CCR6: variants seen among roughly 807,000 people sequenced by gnomAD.
CCR6 encodes the protein C-C motif chemokine receptor 6, also known as C-C chemokine receptor type 6.
A neutral mutation model predicts 3.0 loss-of-function variants in CCR6; 2 were observed. That is an observed-to-expected ratio of 0.66 (90% CI 0.27 to 2.07). CCR6 has a LOEUF of 2.07. Among genes scored for constraint, CCR6 ranks in the 30% most tolerant of loss-of-function variants. CCR6 has a pLI of 0.14. For missense variants in CCR6, 322 were observed against 462.8 expected, an observed-to-expected ratio of 0.70 and a Z score of 2.79; for synonymous variants, 193 against 184.3, an observed-to-expected ratio of 1.05 and a Z score of -0.38.
intron 1 of CCR6, among the ~76,000 whole-genome samples, chr6:167,117,415 CTTTTTTTTTTTT>C (rs35058463): frequency 9.1e-6 from 1 of 109,894 alleles, no homozygotes; most frequent in African/African-American, 3.7e-5. Flanking sequence ...TTTTTTTTTT[CTTTTTTTTTTTT>C]TTTTTTTGAG....
rs201556077 is a variant in CCR6 at position 167,136,559 on chromosome 6, C to T, written c.329C>T (p.Ala110Val). ...PFWAVSHATG[A>V]WVFSNATCKL... ...TGGGCAGTGAGTCATGCCACCGGTG[C>T]GTGGGTTTTCAGCAATGCCACGTGC... The change falls in exon 3 of 3, where the codon GCG (alanine) becomes GTG (valine). Residue 110 changes from alanine (A) to valine (V), a missense_variant. Coordinates refer to ENST00000341935, the MANE Select transcript of CCR6 (RefSeq NM_031409.4). The surrounding 1 kb of genome is among the most constrained non-coding windows in gnomAD (Gnocchi z 4.6). 9.4e-6 allele frequency: 15 copies of T among 1,602,872 alleles called. No homozygotes were observed. Among genetic ancestry groups the T allele is most frequent in the African/African-American group, 4.0e-5 (3 of 74,894 alleles).
In CCR6 at chr6:167,130,929, C is replaced by T. The variant is rs76684877; in HGVS notation, c.-97-5109C>T. Among the ~76,000 whole-genome samples, 182 of 110,724 alleles carry T rather than the reference C, an allele frequency of 1.6e-3. 9 individuals carry two copies. Among genetic ancestry groups the T allele is most frequent in the African/African-American group, 5.3e-3 (114 of 21,642 alleles). 72.6% of individuals were successfully genotyped at this position (110,724 alleles called of 152,430 possible). ...CTCTGGGCCTCCTTCTCTCAGGGAC[C>T]CCACCCTCTGGGCCCCCCTCCCTCC... On this transcript the variant is annotated intron_variant, in intron 1 of 2. Transcript: ENST00000341935.
intron 1 of CCR6, among the ~76,000 whole-genome samples, chr6:167,132,895 T>A (rs1314954130): frequency 6.6e-6 from 1 of 152,194 alleles, no homozygotes; most frequent in East Asian, 1.9e-4. Flanking sequence ...TGAGCGTCTT[T>A]TTTGTGTGTG....
At chr6:167,133,932 G>GTGTGTGTGTATATATATA (rs1183741225) in intron 1 of CCR6, among the ~76,000 whole-genome samples, 3 of 110,338 alleles carry the variant, frequency 2.7e-5, no homozygotes, top group African/African-American at 4.4e-5. Context: ...ATATATGTGT[G>GTGTGTGTGTATATATATA]TATATATATA....
upstream of CCR6, among the ~76,000 whole-genome samples, chr6:167,118,612 T>A (rs111296880): frequency 6.7e-3 from 1,026 of 152,318 alleles, 6 homozygotes; most frequent in Admixed American, 0.011. Context: ...TCCTTACTGA[T>A]ATTTTCCAAA....
chr6:167,137,100 C>T lies in CCR6; in HGVS notation c.870C>T (p.Ser290=), dbSNP rs1781861488. 1.9e-6 allele frequency: 3 copies of T among 1,614,154 alleles called. No individual in the cohort carries two copies. Among genetic ancestry groups the T allele is most frequent in the East Asian group, 2.2e-5 (1 of 44,884 alleles). Reference sequence around the variant, plus strand: ...GTAAAATGAACCGATCCTGCCAGAGCGAAAAGCTAATTGGCTATACGAAAA... The same window carrying T: ...GTAAAATGAACCGATCCTGCCAGAGTGAAAAGCTAATTGGCTATACGAAAA... ...NLGKMNRSCQ[S]EKLIGYTKTV... is the part of the protein sequence containing the mutation. Residue 290 remains serine (S), a synonymous_variant, in exon 3 of 3, where the codon AGC becomes AGT. Transcript: ENST00000341935. The surrounding 1 kb of genome is among the most constrained non-coding windows in gnomAD (Gnocchi z 4.6).
chr6:167,124,145 A>G (rs1781631140), intron 1 of CCR6, among the ~76,000 whole-genome samples: 2 of 152,216 alleles, frequency 1.3e-5, no homozygotes, highest in African/African-American at 4.8e-5. Context: ...GATCAGCTTT[A>G]TAAAGAAAAA....
intron 1 of CCR6, among the ~76,000 whole-genome samples, chr6:167,124,854 TAC>T (rs1489804125): frequency 1.3e-5 from 2 of 151,418 alleles, no homozygotes; most frequent in African/African-American, 2.4e-5. Context: ...CGTCCATATG[TAC>T]ACACACACAG....
chr6:167,118,770 C>T (rs1781539864), upstream of CCR6, among the ~76,000 whole-genome samples: 1 of 152,164 alleles, frequency 6.6e-6, no homozygotes, highest in African/African-American at 2.4e-5. Context: ...TCAGTTTTCT[C>T]ATCTGTCACT....
Position 167,136,079 on chromosome 6 carries a change from G to A in CCR6, c.-56G>A. The A allele has an allele frequency of 6.3e-7, 1 of 1,592,184 alleles. No homozygotes were observed. The highest frequency in any genetic ancestry group is 8.5e-7 in the Non-Finnish European group (1 of 1,170,996). On this transcript the variant is annotated 5_prime_UTR_variant, in exon 2 of 3. Coordinates refer to ENST00000341935, the MANE Select transcript of CCR6 (RefSeq NM_031409.4). The surrounding 1 kb of genome is among the most constrained non-coding windows in gnomAD (Gnocchi z 4.6). ...CTGCTACCGCTGCCTGTGAGCTGAA[G>A]GGGCTGAACCATACACTCCTTTTTC...
chr6:167,129,404 A>T (rs1461483192), intron 1 of CCR6: 1 of 152,340 alleles, frequency 6.6e-6, no homozygotes, highest in Non-Finnish European at 1.5e-5. Flanking sequence ...ACGCTCCTGC[A>T]CTTGCTTCAT....
rs1244734980 is a variant in CCR6 at position 167,138,993 on chromosome 6, C to A, written c.*1638C>A. The A allele has an allele frequency of 6.7e-6, 1 of 149,014 alleles. No homozygotes were observed. The highest frequency in any genetic ancestry group is 1.9e-4 in the East Asian group (1 of 5,218). 9.2% of individuals were successfully genotyped at this position (149,014 alleles called of 1,614,324 possible). A position where few individuals can be genotyped will look rare whatever the true frequency, so the allele number is the denominator to read the frequency against. On this transcript the variant is annotated 3_prime_UTR_variant, in exon 3 of 3. Coordinates refer to ENST00000341935, the MANE Select transcript of CCR6 (RefSeq NM_031409.4). ...AACATACCAACATGTTTAAACCTGA[C>A]AATGGTGTTATTTGAAACTTTATAT...
rs1349378011 is a variant in CCR6, at chr6:167,136,500, T to A, written c.270T>A (p.Ile90=). The change falls in exon 3 of 3, where the codon ATT becomes ATA. Residue 90 remains isoleucine (I), a synonymous_variant. Transcript: ENST00000341935. This position sits in a 1 kb window ranked among gnomAD's most constrained non-coding sequence, Gnocchi z 4.6. Reference sequence around the variant, plus strand: ...ACGTCTATCTCTTGAACATGGCCATTGCAGACATCCTCTTTGTTCTTACTC... The same window carrying A: ...ACGTCTATCTCTTGAACATGGCCATAGCAGACATCCTCTTTGTTCTTACTC... ...MTDVYLLNMA[I]ADILFVLTLP... 1.9e-6 allele frequency: 3 copies of A among 1,590,926 alleles called. No individual in the cohort carries two copies. In the African/African-American group the frequency reaches 4.0e-5, roughly 21 times the overall value.
upstream of CCR6, among the ~76,000 whole-genome samples, chr6:167,121,980 A>T (rs776279833): frequency 2.6e-5 from 4 of 152,176 alleles, no homozygotes; most frequent in Admixed American, 6.5e-5. Flanking sequence ...GTTGAGCAGG[A>T]CACAGGTCCT....
At chr6:167,127,825 C>T (rs1276454894) in intron 1 of CCR6, among the ~76,000 whole-genome samples, 2 of 152,146 alleles carry the variant, frequency 1.3e-5, no homozygotes, top group African/African-American at 4.8e-5. Flanking sequence ...GATAGGGGTT[C>T]CCAGGCTTCT....
intron 1 of CCR6, among the ~76,000 whole-genome samples, chr6:167,113,100 T>G (rs755206606): frequency 9.9e-5 from 15 of 151,976 alleles, no homozygotes; most frequent in Middle Eastern, 3.2e-3. Flanking sequence ...CTGACTTACC[T>G]GGAGCTCTCT....
chr6:167,115,221 CAG>C (rs536909944), intron 1 of CCR6: 11 of 152,342 alleles, frequency 7.2e-5, no homozygotes, highest in African/African-American at 2.2e-4. Context: ...GCTGCTGGGT[CAG>C]AGAGTGTGCC....
chr6:167,115,430 T>G (rs948031346), intron 1 of CCR6: 1 of 152,268 alleles, frequency 6.6e-6, no homozygotes, highest in South Asian at 2.1e-4. Context: ...CTGAGAGCTA[T>G]TTCATTCATC....
chr6:167,114,183 C>T (rs919333990), intron 1 of CCR6, among the ~76,000 whole-genome samples: 2 of 152,350 alleles, frequency 1.3e-5, no homozygotes, highest in Admixed American at 1.3e-4. Context: ...GCCTCTCCCT[C>T]CTCACCTTCC....
Sources: allele counts gnomAD v4.1 joint callset (sites outside exome capture counted in the v4.1 genomes callset), GRCh38; gene constraint gnomAD v4.1.1; non-coding constraint Gnocchi (gnomAD v3.1); transcripts MANE v1.5; gene names NCBI Gene and HGNC (gene_info 2026-07-23, HGNC 2026-07-21).